SPG7: variants seen among roughly 807,000 people sequenced by gnomAD.
The protein encoded by SPG7 is SPG7 matrix AAA peptidase subunit, paraplegin, also known as mitochondrial inner membrane m-AAA protease component paraplegin.
SPG7 carries 103 observed loss-of-function variants against 81.9 expected under a neutral mutation model. The ratio of observed to expected loss-of-function variants is 1.26; its 90% CI spans 1.07 to 1.48. The LOEUF is 1.48. Ranked by LOEUF, SPG7 falls within the 40% of genes most tolerant of loss-of-function variation. The probability of loss-of-function intolerance (pLI) is 0.00; values close to 1 mark genes in which losing one functional copy is unlikely to be tolerated. For synonymous variants in SPG7, 534 were observed against 444.2 expected, an observed-to-expected ratio of 1.20 and a Z score of -2.54; for missense variants, 1,241 against 1,087.3, an observed-to-expected ratio of 1.14 and a Z score of -1.99.
chr16:89,526,760 G>C, intron 5 of SPG7: 1 of 388,892 alleles, frequency 2.6e-6, no homozygotes, highest in South Asian at 2.1e-5. Context: ...TGATGTAGAT[G>C]CCGAAGTCTC....
chr16:89,537,368 C>T (rs1193136183), intron 9 of SPG7: 12 of 1,132,312 alleles, frequency 1.1e-5, no homozygotes, highest in African/African-American at 1.6e-5. Context: ...TGCTGGAAAG[C>T]GTTGATGGGG....
In SPG7 at chr16:89,530,759, G is replaced by T; in HGVS notation, c.938G>T (p.Gly313Val). The change falls in exon 7 of 17, where the codon GGA (glycine) becomes GTA (valine). Residue 313 changes from glycine to valine, a missense_variant. Transcript: ENST00000645818. ...GGAGTCAGCTTCAAAGACGTGGCAG[G>T]AATGCACGAAGCCAAACTGGAAGTC... ...GKGVSFKDVAGMHEAKLEVRE... is the reference protein window; with the variant it reads ...GKGVSFKDVAVMHEAKLEVRE... 6.2e-7 allele frequency: 1 copy of T among 1,614,222 alleles called. No homozygotes were observed. The highest frequency in any genetic ancestry group is 1.1e-5 in the South Asian group (1 of 91,088).
chr16:89,547,673 C>T (rs1002105050), intron 11 of SPG7: 2 of 367,428 alleles, frequency 5.4e-6, no homozygotes, highest in Non-Finnish European at 5.3e-6. Context: ...AGTGCAGTGG[C>T]GTGATCTTGG....
intron 3 of SPG7, chr16:89,522,232 C>G (rs1210888994): frequency 6.6e-6 from 1 of 152,170 alleles, no homozygotes; most frequent in African/African-American, 2.4e-5. Flanking sequence ...ATTTTGCCAC[C>G]TTTTTAGTGG....
chr16:89,550,631 C>G (rs2058625207), intron 13 of SPG7, 22 bp downstream of exon 13: 1 of 1,554,604 alleles, frequency 6.4e-7, no homozygotes, highest in African/African-American at 1.4e-5. Flanking sequence ...CAGGTGCCGG[C>G]TCCACGGGCC....
intron 9 of SPG7, chr16:89,537,252 G>T: frequency 7.2e-7 from 1 of 1,396,070 alleles, no homozygotes; most frequent in South Asian, 1.6e-5. Context: ...GGTTACGTCA[G>T]CCGGTCCATG....
At chr16:89,543,283 T>TA (rs1436225103) in intron 9 of SPG7, 1 of 150,832 alleles carries the variant, frequency 6.6e-6, no homozygotes, top group Non-Finnish European at 1.5e-5. Context: ...GTCCTGTTCT[T>TA]ACATTAGTCA....
intron 2 of SPG7, among the ~76,000 whole-genome samples, chr16:89,510,965 C>T (rs973893622): frequency 6.6e-6 from 1 of 152,166 alleles, no homozygotes; most frequent in Non-Finnish European, 1.5e-5. Flanking sequence ...TCCATAGAGC[C>T]AGGACTCCAG....
At chr16:89,524,952 G>GC in intron 4 of SPG7, among the ~76,000 whole-genome samples, 1 of 132,680 alleles carries the variant, frequency 7.5e-6, no homozygotes, top group East Asian at 2.1e-4. Context: ...CTTTTCTTTT[G>GC]CTTTTTTTTT....
At chr16:89,531,159 A>C (rs1022942301) in intron 7 of SPG7, 3 of 392,780 alleles carry the variant, frequency 7.6e-6, no homozygotes, top group Admixed American at 7.2e-5. Context: ...TGCGTCACTT[A>C]CACGTTTCCT....
chr16:89,508,669 G>GCGGGT (rs1567891829), intron 1 of SPG7, 69 bp downstream of exon 1: 1 of 1,392,190 alleles, frequency 7.2e-7, no homozygotes, highest in Admixed American at 2.8e-5. Context: ...GCCCGGCGGG[G>GCGGGT]CGGGTCGGAG....
chr16:89,532,725 G>C, intron 9 of SPG7, 89 bp downstream of exon 9: 1 of 1,487,936 alleles, frequency 6.7e-7, no homozygotes, highest in Non-Finnish European at 9.3e-7. Flanking sequence ...AGCCAAGATC[G>C]TGTCACTGCA....
chr16:89,549,211 C>T lies in SPG7; in HGVS notation c.1663+1098C>T, dbSNP rs575080557. On this transcript the variant is annotated intron_variant, in intron 12 of 16. Transcript: ENST00000645818. The stretch of plus-strand genomic sequence containing the variant: ...AAAGCAGGAAGGACTGAGTGGGAAC[C>T]ACAAGCCAGTTGAAAGAAAATACAT... The T allele has an allele frequency of 1.5e-5, 7 of 456,800 alleles. No individual in the cohort carries two copies. In the East Asian group the frequency reaches 4.2e-4, roughly 27 times the overall value. 28.3% of individuals were successfully genotyped at this position (456,800 alleles called of 1,614,324 possible).
At chr16:89,547,793 A>G in intron 11 of SPG7, 2 of 527,292 alleles carry the variant, frequency 3.8e-6, no homozygotes, top group Non-Finnish European at 6.9e-6. Flanking sequence ...TTGTATTTTT[A>G]GTAGCAATAG....
intron 3 of SPG7, chr16:89,523,792 T>A: frequency 1.4e-6 from 1 of 706,694 alleles, no homozygotes; most frequent in Non-Finnish European, 2.5e-6. Context: ...CTCACTGAAG[T>A]GACCTCAGCG....
At chr16:89,532,417 T>C in intron 8 of SPG7, 46 bp from the exon 9 acceptor site, 1 of 1,609,324 alleles carries the variant, frequency 6.2e-7, no homozygotes, top group Non-Finnish European at 8.5e-7. Context: ...AGAGGCTTTG[T>C]TTTTTATTAA....
At chr16:89,530,851 G>A (rs369875782) in intron 7 of SPG7, 43 bp downstream of exon 7, 40 of 1,612,604 alleles carry the variant, frequency 2.5e-5, no homozygotes, top group South Asian at 4.4e-5. Flanking sequence ...AGCAGAGGCC[G>A]GCCGTCCTCC....
At chr16:89,543,989 A>G (rs1244255134) in intron 9 of SPG7, 3 of 159,648 alleles carry the variant, frequency 1.9e-5, no homozygotes, top group African/African-American at 4.8e-5. Context: ...TGAATCTTAT[A>G]TGCTCTGAGT....
intron 5 of SPG7, among the ~76,000 whole-genome samples, chr16:89,528,159 G>A (rs1313610111): frequency 2.0e-5 from 3 of 151,806 alleles, no homozygotes; most frequent in South Asian, 2.1e-4. Context: ...GGGAGGCCGA[G>A]GCGGGCAGAT....
Sources: allele counts gnomAD v4.1 joint callset (sites outside exome capture counted in the v4.1 genomes callset), GRCh38; gene constraint gnomAD v4.1.1; transcripts MANE v1.5; gene names NCBI Gene and HGNC (gene_info 2026-07-23, HGNC 2026-07-21).